Variants in DLGAP2 observed in about 807,000 individuals in gnomAD.
DLGAP2 encodes the protein DLG associated protein 2, also known as disks large-associated protein 2.
DLGAP2 carries 26 observed loss-of-function variants against 100.3 expected under a neutral mutation model. The ratio of observed to expected loss-of-function variants is 0.26; its 90% confidence interval spans 0.19 to 0.36. The LOEUF (loss-of-function observed/expected upper bound fraction) is 0.36, where lower values mean the gene tolerates loss of function less well. DLGAP2 is among the 10% of genes least tolerant of loss of function. DLGAP2 has a pLI of 1.00. For synonymous variants in DLGAP2, 886 were observed against 630.1 expected (o/e 1.41, Z -6.08); for missense variants, 1,858 against 1,453.2 (o/e 1.28, Z -4.53).
chr8:981,974 A>G (rs980938273), intron 2 of DLGAP2, among the ~76,000 whole-genome samples: 1 of 152,206 alleles, frequency 6.6e-6, no homozygotes, highest in African/African-American at 2.4e-5. Flanking sequence ...TGGATACCAC[A>G]TCCCTGGCCT....
intron 4 of DLGAP2, among the ~76,000 whole-genome samples, chr8:1,537,806 G>C (rs560632717): frequency 9.2e-5 from 14 of 152,258 alleles, no homozygotes; most frequent in African/African-American, 2.6e-4. Context: ...TAAATGGATG[G>C]ATGGAGTAAA....
At chr8:1,155,070 C>G (rs983068606) in intron 2 of DLGAP2, among the ~76,000 whole-genome samples, 2 of 152,200 alleles carry the variant, frequency 1.3e-5, no homozygotes, top group African/African-American at 4.8e-5. Context: ...ACCTCTCACC[C>G]TGGCCACTGC....
chr8:1,181,439 C>G (rs1585128524), intron 2 of DLGAP2, among the ~76,000 whole-genome samples: 1 of 152,124 alleles, frequency 6.6e-6, no homozygotes, highest in African/African-American at 2.4e-5. Context: ...GGCACGTGAT[C>G]TCATTCTTTT....
At chr8:857,410 G>A (rs1797299984) in intron 1 of DLGAP2, among the ~76,000 whole-genome samples, 2 of 152,144 alleles carry the variant, frequency 1.3e-5, no homozygotes, top group South Asian at 4.1e-4. Flanking sequence ...GTCCAGACCG[G>A]GAGAAAATAT....
chr8:1,523,918 T>C (rs1475840353), intron 4 of DLGAP2, among the ~76,000 whole-genome samples: 1 of 152,204 alleles, frequency 6.6e-6, no homozygotes, highest in Non-Finnish European at 1.5e-5. Context: ...GGGCCTGAGA[T>C]AATCTTAAGC....
intron 3 of DLGAP2, among the ~76,000 whole-genome samples, chr8:1,332,160 T>TGGGTGTGTGCGAATGTGAGC (rs1801172021): frequency 2.0e-5 from 3 of 151,342 alleles, no homozygotes; most frequent in Non-Finnish European, 4.4e-5. Context: ...TGTGTGTGAG[T>TGGGTGTGTGCGAATGTGAGC]GTGTGTGTGC....
chr8:1,462,588 G>T (rs956329468), intron 3 of DLGAP2, among the ~76,000 whole-genome samples: 1 of 151,978 alleles, frequency 6.6e-6, no homozygotes, highest in Non-Finnish European at 1.5e-5. Flanking sequence ...CTGCTGTCAC[G>T]GGACTGTGGC....
intron 2 of DLGAP2, among the ~76,000 whole-genome samples, chr8:925,674 C>T (rs1250204344): frequency 6.6e-6 from 1 of 152,008 alleles, no homozygotes; most frequent in South Asian, 2.1e-4. Context: ...AGACCCCATG[C>T]TTATATATAT....
At chr8:790,782 G>T (rs1031354579) in intron 1 of DLGAP2, among the ~76,000 whole-genome samples, 2 of 151,982 alleles carry the variant, frequency 1.3e-5, no homozygotes, top group African/African-American at 4.8e-5. Flanking sequence ...GTTTCTTTCT[G>T]TTGCCCAGGC....
chr8:1,549,199 C>A lies in DLGAP2; in HGVS notation c.746C>A (p.Ser249Tyr). The A allele has an allele frequency of 6.2e-7, 1 of 1,601,214 alleles. No homozygotes were observed. The highest frequency in any genetic ancestry group is 8.5e-7 in the Non-Finnish European group (1 of 1,174,762). Residue 249 changes from serine to tyrosine, a missense_variant, in exon 5 of 15, where the codon TCC becomes TAC. By Grantham distance (144) the Ser-to-Tyr change is moderately radical. Coordinates refer to ENST00000637795, the MANE Select transcript of DLGAP2 (RefSeq NM_001346810.2). ...ACCAAGTCGCACTCGCTGGAGGGCTCCTCCAAAAGCAACGCCAACGGCACC... is the reference window on the plus strand; with the variant it reads ...ACCAAGTCGCACTCGCTGGAGGGCTACTCCAAAAGCAACGCCAACGGCACC... ...LFTKSHSLEG[S>Y]SKSNANGTKA... is the part of the protein sequence containing the mutation.
chr8:1,578,361 C>T (rs1042069364), intron 6 of DLGAP2, among the ~76,000 whole-genome samples: 3 of 152,170 alleles, frequency 2.0e-5, no homozygotes, highest in Non-Finnish European at 4.4e-5. Context: ...CAGGTTCTTA[C>T]CCCGGAAGTT....
intron 2 of DLGAP2, among the ~76,000 whole-genome samples, chr8:923,492 C>A (rs960569918): frequency 2.6e-5 from 4 of 152,204 alleles, no homozygotes; most frequent in East Asian, 1.9e-4. Context: ...ATATGCTTAA[C>A]CCTGCATTCA....
At chr8:1,090,681 C>T (rs763491592) in intron 2 of DLGAP2, among the ~76,000 whole-genome samples, 3 of 152,202 alleles carry the variant, frequency 2.0e-5, no homozygotes, top group Admixed American at 6.5e-5. Context: ...GAAGGCAGTA[C>T]GCTGTGTGGA....
At chr8:891,978 G>A (rs1432224887) in intron 1 of DLGAP2, among the ~76,000 whole-genome samples, 2 of 152,260 alleles carry the variant, frequency 1.3e-5, no homozygotes, top group Non-Finnish European at 2.9e-5. Context: ...AACACTGCAC[G>A]TAAGTGTGCA....
At chr8:1,213,485 A>G (rs564401150) in intron 2 of DLGAP2, among the ~76,000 whole-genome samples, 65 of 152,156 alleles carry the variant, frequency 4.3e-4, no homozygotes, top group Non-Finnish European at 8.8e-4. Context: ...TATTGCTCAC[A>G]TTATAATGTT....
chr8:1,042,339 C>T (rs1802377782), intron 2 of DLGAP2, among the ~76,000 whole-genome samples: 1 of 152,188 alleles, frequency 6.6e-6, no homozygotes, highest in African/African-American at 2.4e-5. Flanking sequence ...GTACAGAAAG[C>T]AGATCTGTGG....
At chr8:1,121,977 G>T (rs939854147) in intron 2 of DLGAP2, among the ~76,000 whole-genome samples, 1 of 152,090 alleles carries the variant, frequency 6.6e-6, no homozygotes, top group Non-Finnish European at 1.5e-5. Context: ...CTTTCTCATG[G>T]TGTTGCCCCA....
chr8:892,151 A>T (rs1760417578), intron 1 of DLGAP2, among the ~76,000 whole-genome samples: 1 of 152,196 alleles, frequency 6.6e-6, no homozygotes, highest in African/African-American at 2.4e-5. Context: ...ATGGAGATTC[A>T]TCAAAAACTC....
intron 2 of DLGAP2, among the ~76,000 whole-genome samples, chr8:1,242,134 G>C (rs1453923114): frequency 6.6e-6 from 1 of 152,194 alleles, no homozygotes; most frequent in Non-Finnish European, 1.5e-5. Flanking sequence ...AAATCCCATA[G>C]CTTATATAAA....
Sources: gnomAD v4.1 joint callset for allele counts (sites outside exome capture counted in the v4.1 genomes callset) on GRCh38, gnomAD v4.1.1 for gene constraint, MANE v1.5 for transcripts, NCBI Gene and HGNC (gene_info 2026-07-23, HGNC 2026-07-21) for gene names.